Variants in PFKP observed in about 807,000 individuals in gnomAD.
PFKP encodes ATP-dependent 6-phosphofructokinase, platelet type.
A neutral mutation model predicts 94.3 loss-of-function variants in PFKP; 101 were observed. The observed-to-expected ratio is 1.07, with a 90% confidence interval of 0.91 to 1.26. The LOEUF (loss-of-function observed/expected upper bound fraction) is 1.26. Ranked by LOEUF, PFKP falls within the 50% of genes most tolerant of loss-of-function variation. The pLI is 0.00. For synonymous variants in PFKP, 573 were observed against 432.6 expected, an observed-to-expected ratio of 1.32 and a Z score of -4.03; for missense variants, 1,145 against 1,103.3, an observed-to-expected ratio of 1.04 and a Z score of -0.53.
chr10:3,109,513 G>C (rs373772863), intron 10 of PFKP, 33 bp downstream of exon 10: 3 of 1,593,582 alleles, frequency 1.9e-6, no homozygotes, highest in Non-Finnish European at 2.5e-6. Flanking sequence ...AGGGCAGGGC[G>C]GAGACGGCTG....
intron 10 of PFKP, among the ~76,000 whole-genome samples, chr10:3,111,569 C>A (rs1015338754): frequency 6.6e-6 from 1 of 152,144 alleles, no homozygotes; most frequent in Admixed American, 6.5e-5. Context: ...TGCTGTTTGT[C>A]AGGCGTCTTC....
chr10:3,123,865 A>T (rs1160701118), intron 16 of PFKP, among the ~76,000 whole-genome samples: 1 of 152,256 alleles, frequency 6.6e-6, no homozygotes, highest in Non-Finnish European at 1.5e-5. Flanking sequence ...AGAGCGGCCC[A>T]AGAGCTGGGC....
chr10:3,125,158 C>A, intron 16 of PFKP: 1 of 1,350,610 alleles, frequency 7.4e-7, no homozygotes, highest in East Asian at 4.8e-5. Context: ...CTTTGCATCC[C>A]CCTGTGTGTG....
intron 14 of PFKP, among the ~76,000 whole-genome samples, chr10:3,118,431 A>G (rs75728123): frequency 0.23 from 34,264 of 152,054 alleles, 4,486 homozygotes; most frequent in African/African-American, 0.36. Flanking sequence ...TTACGCCACT[A>G]CACTCCAGCC....
chr10:3,113,338 G>C, intron 12 of PFKP, 34 bp from the exon 13 acceptor site: 1 of 1,574,930 alleles, frequency 6.3e-7, no homozygotes, highest in Non-Finnish European at 8.7e-7. Flanking sequence ...ACGTGTGCCC[G>C]TGACCCAGCA....
chr10:3,080,711 A>G (rs1369386232), intron 1 of PFKP, among the ~76,000 whole-genome samples: 1 of 135,896 alleles, frequency 7.4e-6, no homozygotes, highest in Non-Finnish European at 1.5e-5. Flanking sequence ...TTTTCTAAAC[A>G]AGAAGAATAT....
chr10:3,094,869 T>C (rs1017014482), intron 2 of PFKP, among the ~76,000 whole-genome samples: 2 of 152,188 alleles, frequency 1.3e-5, no homozygotes, highest in Admixed American at 6.5e-5. Flanking sequence ...TAGGGAAAGC[T>C]TGATTCTGTA....
intron 1 of PFKP, among the ~76,000 whole-genome samples, chr10:3,076,332 C>T (rs1187372283): frequency 6.6e-6 from 1 of 152,142 alleles, no homozygotes; most frequent in Non-Finnish European, 1.5e-5. Context: ...GGAGGGCCGA[C>T]ACTGTCCCAG....
intron 19 of PFKP, 25 bp downstream of exon 19, chr10:3,133,339 C>CTTTGTGGCCCCT: frequency 1.4e-6 from 2 of 1,385,178 alleles, no homozygotes; most frequent in South Asian, 1.2e-5. Context: ...GCATGAGGGG[C>CTTTGTGGCCCCT]CACAAAGCCC....
At chr10:3,125,936 TG>T (rs1413440443) in intron 16 of PFKP, among the ~76,000 whole-genome samples, 1 of 152,082 alleles carries the variant, frequency 6.6e-6, no homozygotes, top group African/African-American at 2.4e-5. Flanking sequence ...CCGTGACATG[TG>T]GGGTCACGTC....
chr10:3,116,546 C>A (rs1047491862), intron 13 of PFKP, among the ~76,000 whole-genome samples: 1 of 152,136 alleles, frequency 6.6e-6, no homozygotes, highest in Non-Finnish European at 1.5e-5. Flanking sequence ...ACAGAGGCCC[C>A]GACAGGCAGG....
chr10:3,071,449 T>G (rs1360108505), intron 1 of PFKP, among the ~76,000 whole-genome samples: 4 of 135,690 alleles, frequency 2.9e-5, no homozygotes, highest in Admixed American at 2.9e-4. Flanking sequence ...TTTTTTTTTT[T>G]CTTTCTCTTC....
intron 2 of PFKP, among the ~76,000 whole-genome samples, chr10:3,098,568 A>G (rs1834686724): frequency 2.7e-5 from 4 of 149,008 alleles, no homozygotes; most frequent in African/African-American, 9.9e-5. Flanking sequence ...CCAGCTGCTC[A>G]GGAGGCTGAG....
chr10:3,102,251 A>AG (rs1491206307), intron 4 of PFKP, among the ~76,000 whole-genome samples: 1 of 20,612 alleles, frequency 4.9e-5, no homozygotes, highest in Non-Finnish European at 8.4e-5. Context: ...ACTCTGTCTC[A>AG]AAAAAAAAAA....
intron 4 of PFKP, among the ~76,000 whole-genome samples, chr10:3,102,109 G>A (rs902005279): frequency 1.3e-5 from 2 of 150,476 alleles, no homozygotes; most frequent in African/African-American, 2.4e-5. Flanking sequence ...AAATTAGCCG[G>A]GCGTAGTGGC....
At chr10:3,088,985 G>A (rs1833842555) in intron 2 of PFKP, among the ~76,000 whole-genome samples, 1 of 152,206 alleles carries the variant, frequency 6.6e-6, no homozygotes, top group Admixed American at 6.5e-5. Flanking sequence ...AGGCTGGAGT[G>A]CAATGGCCCA....
At chr10:3,109,555 C>T in intron 10 of PFKP, 75 bp downstream of exon 10, 1 of 1,548,980 alleles carries the variant, frequency 6.5e-7, no homozygotes, top group Non-Finnish European at 8.7e-7. Context: ...CCAGCCTGGG[C>T]ACCTTGGGTG....
rs1000529480 is a variant in PFKP at position 3,069,475 on chromosome 10, A to T, written c.112+1768A>T. ...CTTCAGAAGCAGAGGGAGCACCTTGAGTGACCTTACCTGGGCCGCGAAAGA... is the reference window on the plus strand; with the variant it reads ...CTTCAGAAGCAGAGGGAGCACCTTGTGTGACCTTACCTGGGCCGCGAAAGA... On this transcript the variant is annotated intron_variant, in intron 1 of 21. Coordinates refer to ENST00000381125, the MANE Select transcript of PFKP (RefSeq NM_002627.5). The T allele has an allele frequency of 8.6e-6, 11 of 1,284,008 alleles. 1 individual carries two copies. In the African/African-American group the frequency reaches 1.5e-4, roughly 17 times the overall value. The allele number at this position is 1,284,008 out of a possible 1,614,324, so 79.5% of individuals were successfully genotyped here.
In PFKP at chr10:3,133,112, G is replaced by A. The variant is rs771691887; in HGVS notation, c.1911-91G>A. 42 of 860,724 alleles carry A rather than the reference G, an allele frequency of 4.9e-5. No individual in the cohort carries two copies. In the East Asian group the frequency reaches 7.0e-4, roughly 14 times the overall value. The allele number at this position is 860,724 out of a possible 1,614,324, so 53.3% of individuals were successfully genotyped here. ...GAATCACCATAGGGTTGGGGGATGC[G>A]GGAGTCCAGCCTCCCAGGGCCATCT... On this transcript the variant is annotated intron_variant, in intron 18 of 21. Transcript: ENST00000381125.
Sources: gnomAD v4.1 joint callset for allele counts (sites outside exome capture counted in the v4.1 genomes callset) on GRCh38, gnomAD v4.1.1 for gene constraint, MANE v1.5 for transcripts, NCBI Gene and HGNC (gene_info 2026-07-23, HGNC 2026-07-21) for gene names.